The following NDST1 variants were observed in gnomAD, a reference collection of about 807,000 sequenced individuals.
The protein encoded by NDST1 is N-deacetylase and N-sulfotransferase 1.
NDST1 carries 35 observed loss-of-function variants against 92.8 expected under a neutral mutation model. The ratio of observed to expected loss-of-function variants is 0.38; its 90% CI spans 0.29 to 0.50. The LOEUF is 0.50. NDST1 is among the 20% of genes least tolerant of loss of function. The pLI is 0.94. For synonymous variants in NDST1, 493 were observed against 500.3 expected, an observed-to-expected ratio of 0.99 and a Z score of 0.19; for missense variants, 822 against 1,182.7, an observed-to-expected ratio of 0.69 and a Z score of 4.47.
At chr5:150,546,084 G>A (rs920126482) in intron 11 of NDST1, among the ~76,000 whole-genome samples, 1 of 136,518 alleles carries the variant, frequency 7.3e-6, no homozygotes, top group African/African-American at 2.8e-5. Flanking sequence ...TGCAACATCC[G>A]CCTTCCAGTT....
Position 150,553,440 on chromosome 5 carries a change from A to C in NDST1, c.*108A>C. ...GCTGGACCAGGGCAGCTGCGCACTT[A>C]TGAGCAATACTCTGTGGAGGTCTGG... On this transcript the variant is annotated 3_prime_UTR_variant, in exon 15 of 15. Transcript: ENST00000261797. This position sits in a 1 kb window ranked among gnomAD's most constrained non-coding sequence, Gnocchi z 4.2. The C allele has an allele frequency of 1.4e-6, 2 of 1,439,964 alleles. No individual in the cohort carries two copies. Among genetic ancestry groups the C allele is most frequent in the Non-Finnish European group, 1.9e-6 (2 of 1,035,474 alleles). 89.2% of individuals were successfully genotyped at this position (1,439,964 alleles called of 1,614,324 possible). A position where few individuals can be genotyped will look rare whatever the true frequency, so the allele number is the denominator to read the frequency against.
At chr5:150,539,393 G>A in intron 7 of NDST1, 37 bp downstream of exon 7, 1 of 1,613,158 alleles carries the variant, frequency 6.2e-7, no homozygotes, top group East Asian at 2.2e-5. Flanking sequence ...TGGTGAGAAG[G>A]GGCTGCTGCA....
At chr5:150,517,705 GA>G (rs1299952512) in intron 1 of NDST1, among the ~76,000 whole-genome samples, 1 of 152,188 alleles carries the variant, frequency 6.6e-6, no homozygotes, top group African/African-American at 2.4e-5. Flanking sequence ...TTTTATGTCT[GA>G]AAAATGTCAG....
In NDST1 at chr5:150,554,443, A is replaced by AG. The variant is rs2151308441; in HGVS notation, c.*1115dup. On this transcript the variant is annotated 3_prime_UTR_variant, in exon 15 of 15. Transcript: ENST00000261797. ...CAAAATGGTGGTAAGCCCCAGTCTC[A>AG]GGGGTCACCCTGTCTTAGAGCTAGA... 6.6e-6 allele frequency: 1 copy of AG among 151,930 alleles called. No homozygotes were observed. The highest frequency in any genetic ancestry group is 1.5e-5 in the Non-Finnish European group (1 of 68,180). 9.4% of individuals were successfully genotyped at this position (151,930 alleles called of 1,614,324 possible).
At chr5:150,539,633 TATACACAC>T in intron 7 of NDST1, 1 of 985,486 alleles carries the variant, frequency 1.0e-6, no homozygotes, top group Non-Finnish European at 1.2e-6. Flanking sequence ...CTCATGTGTG[TATACACAC>T]ATACACAGAT....
At chr5:150,548,109 C>G in intron 11 of NDST1, 109 bp from the exon 12 acceptor site, 6 of 1,309,264 alleles carry the variant, frequency 4.6e-6, no homozygotes, top group Non-Finnish European at 6.5e-6. Flanking sequence ...ACCCAGAGCT[C>G]CTGGGTCCAG....
chr5:150,535,140 G>A (rs1754924050), intron 5 of NDST1, 119 bp downstream of exon 5: 5 of 1,436,956 alleles, frequency 3.5e-6, no homozygotes, highest in African/African-American at 1.4e-5. Flanking sequence ...TAACACCTCT[G>A]GGCCAGGGCC....
rs919309157 is a variant in NDST1 at position 150,549,580 on chromosome 5, C to A, written c.2317-98C>A. ...GAGCCAGTTCTAGAGGGTGCAGGGT[C>A]CCATATTTATAAGCAGGCCCATTCC... On this transcript the variant is annotated intron_variant, in intron 12 of 14. Transcript: ENST00000261797. 41 of 743,596 alleles carry A rather than the reference C, an allele frequency of 5.5e-5. 1 individual carries two copies. The highest frequency in any genetic ancestry group is 3.8e-4 in the South Asian group (26 of 67,620). The allele number at this position is 743,596 out of a possible 1,614,324, so 46.1% of individuals were successfully genotyped here.
rs370641189 is a variant in NDST1 at position 150,521,502 on chromosome 5, C to T, written c.248C>T (p.Pro83Leu). 8.7e-6 allele frequency: 14 copies of T among 1,613,918 alleles called. No individual in the cohort carries two copies. The highest frequency in any genetic ancestry group is 1.6e-4 in the Middle Eastern group (1 of 6,084). ...GCAGCCACCCCTTCCCGCACAGACC[C>T]GTTGGTGCTGGTCTTTGTGGAGAGC... ...VQAATPSRTD[P>L]LVLVFVESLY... The change falls in exon 2 of 15, where the codon CCG (proline) becomes CTG (leucine). Residue 83 changes from proline to leucine, a missense_variant. Pro to Leu is a moderately conservative substitution (Grantham distance 98). Coordinates refer to ENST00000261797, the MANE Select transcript of NDST1 (RefSeq NM_001543.5). This position sits in a 1 kb window ranked among gnomAD's most constrained non-coding sequence, Gnocchi z 5.9.
At chr5:150,516,374 C>T (rs528637027) in intron 1 of NDST1, among the ~76,000 whole-genome samples, 8 of 152,336 alleles carry the variant, frequency 5.3e-5, no homozygotes, top group South Asian at 4.1e-4. Context: ...AACAGGGGTG[C>T]GTGATAACAG....
chr5:150,542,359 G>C (rs1561605482), intron 9 of NDST1, among the ~76,000 whole-genome samples: 1 of 152,152 alleles, frequency 6.6e-6, no homozygotes. Flanking sequence ...GTGAGCAGAG[G>C]GTATTGGGAA....
chr5:150,523,486 A>C (rs902890513), intron 2 of NDST1, among the ~76,000 whole-genome samples: 7 of 152,242 alleles, frequency 4.6e-5, no homozygotes, highest in African/African-American at 1.7e-4. Flanking sequence ...TTAAGATAGG[A>C]GGAAACTGAG....
chr5:150,557,016 G>A lies in NDST1; in HGVS notation c.*3684G>A, dbSNP rs77610720. 0.024 allele frequency: 3,737 copies of A among 152,678 alleles called. 152 individuals are homozygous for A. The highest frequency in any genetic ancestry group is 0.16 in the East Asian group (819 of 5,186). 9.5% of individuals were successfully genotyped at this position (152,678 alleles called of 1,614,324 possible). A position where few individuals can be genotyped will look rare whatever the true frequency, so the allele number is the denominator to read the frequency against. On this transcript the variant is annotated 3_prime_UTR_variant, in exon 15 of 15. Coordinates refer to ENST00000261797, the MANE Select transcript of NDST1 (RefSeq NM_001543.5). The surrounding 1 kb of genome is among the most constrained non-coding windows in gnomAD (Gnocchi z 4.7). Reference sequence around the variant, plus strand: ...TGTCAGATTGTTTGCTCATGGTGTCGCATAACCACTTCTTCTATCCCCTGT... The same window carrying A: ...TGTCAGATTGTTTGCTCATGGTGTCACATAACCACTTCTTCTATCCCCTGT...
chr5:150,551,743 A>G lies in NDST1; in HGVS notation c.2427-10A>G. 10 of 1,612,058 alleles carry G rather than the reference A, an allele frequency of 6.2e-6. No homozygotes were observed. The highest frequency in any genetic ancestry group is 7.6e-6 in the Non-Finnish European group (9 of 1,178,564). ...CCAGCTCCCATCCAAAGACTTTCCCACCTCCACAGGTTTGATCCAAAGAAA... is the reference window on the plus strand; with the variant it reads ...CCAGCTCCCATCCAAAGACTTTCCCGCCTCCACAGGTTTGATCCAAAGAAA... On this transcript the variant is annotated splice_polypyrimidine_tract_variant and intron_variant, in intron 13 of 14. Coordinates refer to ENST00000261797, the MANE Select transcript of NDST1 (RefSeq NM_001543.5).
intron 1 of NDST1, among the ~76,000 whole-genome samples, chr5:150,502,534 G>A (rs765239053): frequency 3.3e-5 from 5 of 152,112 alleles, no homozygotes; most frequent in Non-Finnish European, 7.4e-5. Flanking sequence ...GGGGCATGGT[G>A]CACATGGGTG....
intron 1 of NDST1, among the ~76,000 whole-genome samples, chr5:150,517,054 A>G (rs1404361113): frequency 6.6e-6 from 1 of 151,790 alleles, no homozygotes; most frequent in Non-Finnish European, 1.5e-5. Flanking sequence ...TTTTACATTC[A>G]CAGCAAAATT....
At chr5:150,548,186 G>C in intron 11 of NDST1, 32 bp from the exon 12 acceptor site, 1 of 1,613,922 alleles carries the variant, frequency 6.2e-7, no homozygotes, top group Non-Finnish European at 8.5e-7. Context: ...TGTCCTCCAA[G>C]TGGCATGCTG....
At chr5:150,539,179 C>T (rs1027399933) in intron 6 of NDST1, 49 bp from the exon 7 acceptor site, 2 of 1,486,838 alleles carry the variant, frequency 1.3e-6, no homozygotes, top group Admixed American at 3.3e-5. Context: ...CCTCCCACCA[C>T]CCTCATGCCA....
rs552744364 is a variant in NDST1 at position 150,553,489 on chromosome 5, G to A, written c.*157G>A. The A allele has an allele frequency of 3.7e-4, 392 of 1,045,926 alleles. No individual in the cohort carries two copies. The Middle Eastern group carries it at 4.0e-3, about 11-fold the overall frequency. The allele number at this position is 1,045,926 out of a possible 1,614,324, so 64.8% of individuals were successfully genotyped here. ...GGTGGGGCTGGGGGAGCACCCAGGCGGATCTGCAAGCACCTCGGAGCACCC... is the reference window on the plus strand; with the variant it reads ...GGTGGGGCTGGGGGAGCACCCAGGCAGATCTGCAAGCACCTCGGAGCACCC... On this transcript the variant is annotated 3_prime_UTR_variant, in exon 15 of 15. Coordinates refer to ENST00000261797, the MANE Select transcript of NDST1 (RefSeq NM_001543.5). The surrounding 1 kb of genome is among the most constrained non-coding windows in gnomAD (Gnocchi z 4.2).
Sources: allele counts gnomAD v4.1 joint callset (sites outside exome capture counted in the v4.1 genomes callset), GRCh38; gene constraint gnomAD v4.1.1; non-coding constraint Gnocchi (gnomAD v3.1); transcripts MANE v1.5; gene names NCBI Gene and HGNC (gene_info 2026-07-23, HGNC 2026-07-21).